Variants in CCN4 observed in about 807,000 individuals in gnomAD.
CCN4 encodes cellular communication network factor 4.
In CCN4, 30 loss-of-function variants were observed where a neutral mutation model predicts 36.7. That is an observed-to-expected ratio of 0.82 (90% CI 0.61 to 1.11). The LOEUF is 1.11. Among genes scored for constraint, CCN4 ranks in the 50% least tolerant of loss-of-function variants. The probability of loss-of-function intolerance (pLI) is 0.00; values close to 1 mark genes in which losing one functional copy is unlikely to be tolerated. For missense variants in CCN4, 505 were observed against 504.9 expected, an observed-to-expected ratio of 1.00 and a Z score of 0.00; for synonymous variants, 191 against 195.4, an observed-to-expected ratio of 0.98 and a Z score of 0.19.
At chr8:133,225,800 T>C (rs1312339496) in intron 4 of CCN4, among the ~76,000 whole-genome samples, 1 of 152,138 alleles carries the variant, frequency 6.6e-6, no homozygotes, top group Non-Finnish European at 1.5e-5. Context: ...TATCATATTA[T>C]TAGAATCAGG....
chr8:133,223,501 G>A (rs1043386510), intron 3 of CCN4, among the ~76,000 whole-genome samples: 4 of 152,118 alleles, frequency 2.6e-5, no homozygotes, highest in East Asian at 1.9e-4. Flanking sequence ...AAGCTTAGAG[G>A]AACTGACTTA....
intron 1 of CCN4, among the ~76,000 whole-genome samples, chr8:133,211,673 G>A (rs1013910498): frequency 3.3e-5 from 5 of 152,292 alleles, no homozygotes; most frequent in Admixed American, 1.3e-4. Flanking sequence ...AGCCCAGCCA[G>A]CCCCCTGTCC....
At chr8:133,194,432 A>ACG (rs1853245229) in intron 1 of CCN4, among the ~76,000 whole-genome samples, 1 of 25,852 alleles carries the variant, frequency 3.9e-5, no homozygotes, top group Non-Finnish European at 6.3e-5. Flanking sequence ...TGTGTGTGGT[A>ACG]TGTGTGTGTG....
chr8:133,219,057 C>T (rs1854427283), intron 2 of CCN4, among the ~76,000 whole-genome samples: 2 of 152,132 alleles, frequency 1.3e-5, no homozygotes, highest in South Asian at 4.2e-4. Context: ...ACCTGGGTCT[C>T]AGGGTGGTCC....
At chr8:133,194,482 GT>G (rs1853256194) in intron 1 of CCN4, among the ~76,000 whole-genome samples, 10 of 100,250 alleles carry the variant, frequency 1.0e-4, no homozygotes, top group Non-Finnish European at 1.4e-4. Context: ...TGTGTGTGTG[GT>G]GGGGGGTGTG....
intron 3 of CCN4, among the ~76,000 whole-genome samples, chr8:133,222,838 A>T (rs1462982495): frequency 6.6e-6 from 1 of 151,916 alleles, no homozygotes; most frequent in African/African-American, 2.4e-5. Flanking sequence ...AAGATTGCTC[A>T]GGGACGGTGT....
chr8:133,212,888 A>G lies in CCN4; in HGVS notation c.94A>G (p.Met32Val), dbSNP rs371604351. Residue 32 changes from methionine to valine, a missense_variant, in exon 2 of 5, where the codon ATG becomes GTG. Met to Val is a conservative substitution (Grantham distance 21). Transcript: ENST00000250160. ...GGCCCTCTCTCCAGCCCCTACGACC[A>G]TGGACTTTACCCCAGCTCCACTGGA... ...ATALSPAPTT[M>V]DFTPAPLEDT... 1.2e-5 allele frequency: 18 copies of G among 1,548,720 alleles called. No homozygotes were observed. Among genetic ancestry groups the G allele is most frequent in the Middle Eastern group, 1.9e-4 (1 of 5,242 alleles).
intron 2 of CCN4, among the ~76,000 whole-genome samples, chr8:133,213,699 C>A (rs543529631): frequency 4.8e-5 from 7 of 146,674 alleles, no homozygotes; most frequent in Non-Finnish European, 7.5e-5. Flanking sequence ...TAGAAATATA[C>A]TATATATTCT....
At chr8:133,202,437 C>T (rs1355220727) in intron 1 of CCN4, among the ~76,000 whole-genome samples, 1 of 152,154 alleles carries the variant, frequency 6.6e-6, no homozygotes, top group African/African-American at 2.4e-5. Context: ...TTAGTAGATG[C>T]TTTATATACA....
chr8:133,207,827 G>A (rs997312123), intron 1 of CCN4, among the ~76,000 whole-genome samples: 18 of 152,100 alleles, frequency 1.2e-4, no homozygotes, highest in Non-Finnish European at 2.4e-4. Context: ...ATTGGTTGGG[G>A]AAATGAACAT....
chr8:133,209,594 A>C (rs1853915474), intron 1 of CCN4, among the ~76,000 whole-genome samples: 1 of 152,176 alleles, frequency 6.6e-6, no homozygotes, highest in Non-Finnish European at 1.5e-5. Context: ...AGGCACTTAG[A>C]AAGGAAGCTT....
At chr8:133,201,273 C>A (rs1853578492) in intron 1 of CCN4, among the ~76,000 whole-genome samples, 1 of 152,108 alleles carries the variant, frequency 6.6e-6, no homozygotes, top group African/African-American at 2.4e-5. Flanking sequence ...AGCAGCCTGC[C>A]TCTTAGGATA....
intron 1 of CCN4, among the ~76,000 whole-genome samples, chr8:133,195,736 T>C (rs1853357721): frequency 6.6e-6 from 1 of 152,220 alleles, no homozygotes; most frequent in South Asian, 2.1e-4. Flanking sequence ...CCTTGTGGGC[T>C]GAGCAGCACT....
chr8:133,208,813 G>T (rs1432597281), intron 1 of CCN4, among the ~76,000 whole-genome samples: 2 of 152,134 alleles, frequency 1.3e-5, no homozygotes, highest in African/African-American at 4.8e-5. Context: ...CCACAGGCAG[G>T]TCTGCTTGGC....
intron 1 of CCN4, among the ~76,000 whole-genome samples, chr8:133,200,802 C>T (rs989611291): frequency 1.3e-5 from 2 of 152,158 alleles, no homozygotes; most frequent in African/African-American, 4.8e-5. Flanking sequence ...TCCTCTGTCC[C>T]GGGCCCCTGA....
chr8:133,227,151 C>G (rs2130628128), intron 4 of CCN4, among the ~76,000 whole-genome samples: 1 of 152,228 alleles, frequency 6.6e-6, no homozygotes, highest in Admixed American at 6.5e-5. Context: ...GACAAAAATG[C>G]AGGACAAAAG....
rs1475903768 is a variant in CCN4, at chr8:133,219,418, T to TGCTGA, written c.350-1160_350-1156dup. ...TTCCTTCCTCACCTCCTTCAGGCTT[T>TGCTGA]GCTGAGCGTCATCACCCAGTGAGGC... On this transcript the variant is annotated intron_variant, in intron 2 of 4. Transcript: ENST00000250160. 2.6e-5 allele frequency among the ~76,000 whole-genome samples: 4 copies of TGCTGA among 152,170 alleles called. No individual in the cohort carries two copies. The East Asian group carries it at 7.7e-4, about 29-fold the overall frequency.
At chr8:133,224,805 A>G (rs543890639) in intron 3 of CCN4, among the ~76,000 whole-genome samples, 7 of 152,110 alleles carry the variant, frequency 4.6e-5, no homozygotes, top group African/African-American at 1.7e-4. Context: ...ATGGTGGCCC[A>G]TGCCTGTAAT....
intron 1 of CCN4, among the ~76,000 whole-genome samples, chr8:133,200,789 G>A (rs1237119494): frequency 2.6e-5 from 4 of 152,144 alleles, no homozygotes; most frequent in African/African-American, 7.2e-5. Flanking sequence ...GAGGGAGCAC[G>A]CATCCTCTGT....
Sources: allele counts gnomAD v4.1 joint callset (sites outside exome capture counted in the v4.1 genomes callset), GRCh38; gene constraint gnomAD v4.1.1; transcripts MANE v1.5; gene names NCBI Gene and HGNC (gene_info 2026-07-23, HGNC 2026-07-21).